The following QPRT variants were observed in gnomAD, a reference collection of about 807,000 sequenced individuals.
QPRT encodes quinolinate phosphoribosyltransferase, also known as nicotinate-nucleotide pyrophosphorylase [carboxylating].
A neutral mutation model predicts 19.8 loss-of-function variants in QPRT; 17 were observed. That is an observed-to-expected ratio of 0.86 (90% confidence interval 0.59 to 1.29). The LOEUF is 1.29. Ranked by LOEUF, QPRT falls within the 50% of genes most tolerant of loss-of-function variation. The pLI, the probability that QPRT is intolerant of heterozygous loss-of-function variation, is 0.00. For missense variants in QPRT, 336 were observed against 405.1 expected, an observed-to-expected ratio of 0.83 and a Z score of 1.46; for synonymous variants, 178 against 191.0, an observed-to-expected ratio of 0.93 and a Z score of 0.56.
At chr16:29,679,261 T>G in intron 1 of QPRT, 51 bp downstream of exon 1, 1 of 1,424,904 alleles carries the variant, frequency 7.0e-7, no homozygotes, top group Non-Finnish European at 9.8e-7. Flanking sequence ...CCCCACTGCC[T>G]ACCCCTGCCC....
chr16:29,679,112 C>T (rs1966912737), upstream of QPRT: 1 of 1,612,480 alleles, frequency 6.2e-7, no homozygotes, highest in Non-Finnish European at 8.5e-7. Context: ...CCCTCCCTCC[C>T]TCCACAGTCC....
chr16:29,687,828 C>T (rs57282193), intron 1 of QPRT, among the ~76,000 whole-genome samples: 26 of 52,352 alleles, frequency 5.0e-4, no homozygotes, highest in Non-Finnish European at 7.2e-4. Flanking sequence ...GACCCTGTCT[C>T]TATTAAAAAA....
intron 1 of QPRT, among the ~76,000 whole-genome samples, chr16:29,681,493 C>CATTTTT (rs1967001687): frequency 1.0e-5 from 1 of 97,152 alleles, no homozygotes; most frequent in African/African-American, 4.2e-5. Flanking sequence ...GATCCAGATT[C>CATTTTT]TTTTTTTTTT....
chr16:29,689,234 A>T (rs1433975536), intron 1 of QPRT, among the ~76,000 whole-genome samples: 1 of 152,034 alleles, frequency 6.6e-6, no homozygotes, highest in Non-Finnish European at 1.5e-5. Flanking sequence ...AGCTGGGATT[A>T]CAGGCGCCTG....
At chr16:29,687,130 C>T (rs1967185188) in intron 1 of QPRT, among the ~76,000 whole-genome samples, 1 of 152,294 alleles carries the variant, frequency 6.6e-6, no homozygotes, top group Admixed American at 6.5e-5. Context: ...AACATCACTT[C>T]CTCAGCAGGG....
chr16:29,694,963 C>T lies in QPRT; in HGVS notation c.313C>T (p.Leu105Phe). The change falls in exon 2 of 4, where the codon CTC becomes TTC. Residue 105 changes from leucine (L) to phenylalanine (F), a missense_variant. Leu to Phe is a conservative substitution (Grantham distance 22). Transcript: ENST00000395384. ...HCLLLGERVA[L>F]NTLARCSGIA... is the part of the protein sequence containing the mutation. ...CCTGCTGCTGGGGGAACGGGTGGCC[C>T]TCAACACGCTGGCCCGCTGCAGTGG... 3.1e-6 allele frequency: 5 copies of T among 1,609,816 alleles called. No homozygotes were observed. Among genetic ancestry groups the T allele is most frequent in the Non-Finnish European group, 4.2e-6 (5 of 1,179,568 alleles).
At chr16:29,680,700 G>C (rs543332265) in intron 1 of QPRT, among the ~76,000 whole-genome samples, 2 of 152,242 alleles carry the variant, frequency 1.3e-5, no homozygotes, top group Non-Finnish European at 2.9e-5. Flanking sequence ...CAGCACTTTG[G>C]GAGGCTGAGG....
At chr16:29,693,355 C>T (rs1967410433) in intron 1 of QPRT, among the ~76,000 whole-genome samples, 1 of 151,824 alleles carries the variant, frequency 6.6e-6, no homozygotes, top group African/African-American at 2.4e-5. Context: ...TCACTTCAAC[C>T]TCTGCCTCCT....
intron 1 of QPRT, among the ~76,000 whole-genome samples, chr16:29,683,944 G>A (rs916787059): frequency 5.3e-5 from 8 of 152,016 alleles, no homozygotes; most frequent in African/African-American, 1.2e-4. Context: ...TTCTGCCCCC[G>A]ACACATGGCA....
intron 1 of QPRT, 41 bp downstream of exon 1, chr16:29,679,251 C>T: frequency 6.6e-7 from 1 of 1,513,024 alleles, no homozygotes; most frequent in Non-Finnish European, 9.2e-7. Context: ...GCACCCATCC[C>T]CCCACTGCCT....
At chr16:29,688,288 G>A (rs188761449) in intron 1 of QPRT, among the ~76,000 whole-genome samples, 170 of 152,224 alleles carry the variant, frequency 1.1e-3, no homozygotes, top group African/African-American at 4.0e-3. Context: ...GTCAGACAGC[G>A]CCTGGGGGAG....
intron 1 of QPRT, among the ~76,000 whole-genome samples, chr16:29,686,662 A>AT (rs1388394457): frequency 6.6e-6 from 1 of 151,510 alleles, no homozygotes; most frequent in Non-Finnish European, 1.5e-5. Flanking sequence ...TATTTTTTTA[A>AT]TTTTTTTTAT....
chr16:29,683,334 G>A lies in QPRT; in HGVS notation c.13+4124G>A, dbSNP rs552400456. Among the ~76,000 whole-genome samples, 3 of 151,602 alleles carry A rather than the reference G, an allele frequency of 2.0e-5. No individual in the cohort carries two copies. In the East Asian group the frequency reaches 5.8e-4, roughly 29 times the overall value. Reference sequence around the variant, plus strand: ...TGTGACCACCACGCCCAGCCAATATGTGGTCTTATGAGAGCATTGGTTCTT... The same window carrying A: ...TGTGACCACCACGCCCAGCCAATATATGGTCTTATGAGAGCATTGGTTCTT... On this transcript the variant is annotated intron_variant, in intron 1 of 3. Transcript: ENST00000395384.
At chr16:29,696,920 GC>G in intron 2 of QPRT, 75 bp from the exon 3 acceptor site, 1 of 1,482,400 alleles carries the variant, frequency 6.7e-7, no homozygotes, top group Non-Finnish European at 8.9e-7. Context: ...CGTCACCCTC[GC>G]CCTCCCGGCT....
rs188221157 is a variant in QPRT at position 29,679,688 on chromosome 16, C to T, written c.13+478C>T. ...AAACTGTTGGGGTGATCAGTCCCAA[C>T]CCCCAACCATGAAGTCCGGTGGCAA... On this transcript the variant is annotated intron_variant, in intron 1 of 3. Coordinates refer to ENST00000395384, the MANE Select transcript of QPRT (RefSeq NM_014298.6). 2.2e-3 allele frequency among the ~76,000 whole-genome samples: 342 copies of T among 152,234 alleles called. 2 individuals are homozygous for T. Among genetic ancestry groups the T allele is most frequent in the South Asian group, 5.6e-3 (27 of 4,830 alleles).
At chr16:29,681,592 G>C (rs1028297495) in intron 1 of QPRT, among the ~76,000 whole-genome samples, 4 of 147,086 alleles carry the variant, frequency 2.7e-5, no homozygotes, top group African/African-American at 1.0e-4. Flanking sequence ...TGCCTCCCGG[G>C]TTCAAGCGAT....
chr16:29,679,094 T>G, upstream of QPRT: 1 of 1,607,168 alleles, frequency 6.2e-7, no homozygotes, highest in South Asian at 1.1e-5. Context: ...GGCTGACAGC[T>G]TGATGGGCCC....
intron 1 of QPRT, 23 bp from the exon 2 acceptor site, chr16:29,694,641 C>G: frequency 1.3e-6 from 2 of 1,514,478 alleles, no homozygotes; most frequent in Admixed American, 2.2e-5. Flanking sequence ...CCAAACTCAA[C>G]AGCTGTTCTC....
intron 1 of QPRT, among the ~76,000 whole-genome samples, chr16:29,691,364 C>CAAAAAAAAAA (rs537664108): frequency 1.9e-5 from 1 of 51,882 alleles, no homozygotes; most frequent in African/African-American, 1.1e-4. Flanking sequence ...AGCTCTGCAT[C>CAAAAAAAAAA]AAAAAAAAAA....
Sources: gnomAD v4.1 joint callset for allele counts (sites outside exome capture counted in the v4.1 genomes callset) on GRCh38, gnomAD v4.1.1 for gene constraint, MANE v1.5 for transcripts, NCBI Gene and HGNC (gene_info 2026-07-23, HGNC 2026-07-21) for gene names.